Variants in MAP6 observed in about 807,000 individuals in gnomAD.
The protein encoded by MAP6 is microtubule associated protein 6.
Under a neutral mutation model 42.4 loss-of-function variants are expected in MAP6, and 26 were observed. That is an observed-to-expected ratio of 0.61 (90% CI 0.45 to 0.85). MAP6 has a LOEUF of 0.85. Among genes scored for constraint, MAP6 ranks in the 40% least tolerant of loss-of-function variants. The probability of loss-of-function intolerance (pLI) is 0.00; values close to 1 mark genes in which losing one functional copy is unlikely to be tolerated. For synonymous variants in MAP6, 418 were observed against 443.8 expected (o/e 0.94, Z 0.73); for missense variants, 966 against 1,099.0 (o/e 0.88, Z 1.71).
rs551013658 is a variant in MAP6 at position 75,644,124 on chromosome 11, C to A, written c.905+23341G>T. Among the ~76,000 whole-genome samples the A allele has an allele frequency of 1.2e-4, 18 of 152,196 alleles. No homozygotes were observed. The South Asian group carries it at 1.5e-3, about 12-fold the overall frequency. ...AGTGCTAAACATTGGTTCCAGGGCC[C>A]CTCTTCTCCAGTTTTCTACTGATGG... On this transcript the variant is annotated intron_variant, in intron 1 of 3. Transcript: ENST00000304771.
chr11:75,592,372 A>G (rs1565252356), intron 3 of MAP6, among the ~76,000 whole-genome samples: 3 of 152,226 alleles, frequency 2.0e-5, no homozygotes, highest in Admixed American at 6.5e-5. Flanking sequence ...AGTATCTGAA[A>G]CAAAGAAGGC....
chr11:75,608,268 C>T lies in MAP6; in HGVS notation c.960G>A (p.Lys320=), dbSNP rs370091101. 2.8e-5 allele frequency: 45 copies of T among 1,614,120 alleles called. No individual in the cohort carries two copies. Among genetic ancestry groups the T allele is most frequent in the Non-Finnish European group, 3.6e-5 (43 of 1,180,052 alleles). ...TATCATCTGGGGGCTTGTACTGGGG[C>T]TTGGCCTTTATTGGTTTCACAGGCT... is the stretch of plus-strand genomic sequence containing the variant. ...DIKPVKPIKA[K]PQYKPPDDKM... Residue 320 remains lysine, a synonymous_variant, in exon 2 of 4, where the codon AAG becomes AAA. Transcript: ENST00000304771.
chr11:75,589,397 G>C (rs755352862), intron 3 of MAP6, among the ~76,000 whole-genome samples: 1 of 152,222 alleles, frequency 6.6e-6, no homozygotes, highest in Non-Finnish European at 1.5e-5. Context: ...GTTGGAAGTC[G>C]AGAGAGTGGC....
chr11:75,630,715 C>T (rs573144440), intron 1 of MAP6, among the ~76,000 whole-genome samples: 1 of 152,322 alleles, frequency 6.6e-6, no homozygotes, highest in African/African-American at 2.4e-5. Context: ...AGCTTCCTAT[C>T]TGTATCTCCC....
At chr11:75,664,496 T>C (rs1178017839) in intron 1 of MAP6, among the ~76,000 whole-genome samples, 1 of 152,276 alleles carries the variant, frequency 6.6e-6, no homozygotes, top group Non-Finnish European at 1.5e-5. Flanking sequence ...ATTGATGTCA[T>C]GTGGCAGGTG....
At chr11:75,598,699 T>C (rs1302724764) in intron 3 of MAP6, among the ~76,000 whole-genome samples, 1 of 152,248 alleles carries the variant, frequency 6.6e-6, no homozygotes, top group East Asian at 1.9e-4. Context: ...TCATTTTTCA[T>C]TCAATGAGCA....
intron 1 of MAP6, among the ~76,000 whole-genome samples, chr11:75,634,407 G>A (rs1181502864): frequency 6.6e-6 from 1 of 152,208 alleles, no homozygotes; most frequent in East Asian, 1.9e-4. Context: ...CTTCTGAGTA[G>A]CTGGGACTGC....
intron 1 of MAP6, among the ~76,000 whole-genome samples, chr11:75,632,072 A>G (rs1266969427): frequency 6.6e-6 from 1 of 152,148 alleles, no homozygotes; most frequent in Admixed American, 6.5e-5. Context: ...ATTTCCTACT[A>G]TGGCTTTGGG....
At chr11:75,629,249 G>A (rs1943245729) in intron 1 of MAP6, among the ~76,000 whole-genome samples, 1 of 152,044 alleles carries the variant, frequency 6.6e-6, no homozygotes. Context: ...CACAATGCCT[G>A]GCTAATTTTT....
At chr11:75,605,370 T>C (rs1427695181) in intron 3 of MAP6, 1 of 988,096 alleles carries the variant, frequency 1.0e-6, no homozygotes, top group East Asian at 1.1e-4. Context: ...CTGTGGCACA[T>C]GACGATTCTC....
chr11:75,603,158 T>C, intron 3 of MAP6: 1 of 985,510 alleles, frequency 1.0e-6, no homozygotes, highest in Non-Finnish European at 1.2e-6. Flanking sequence ...GACAGATTGC[T>C]GAGGGAAGCC....
intron 1 of MAP6, among the ~76,000 whole-genome samples, chr11:75,612,712 T>C (rs1345410614): frequency 6.6e-6 from 1 of 152,112 alleles, no homozygotes; most frequent in East Asian, 1.9e-4. Context: ...ATGCTGAAAG[T>C]TTCTGAGCGA....
At chr11:75,659,055 T>A (rs1943798847) in intron 1 of MAP6, among the ~76,000 whole-genome samples, 1 of 152,194 alleles carries the variant, frequency 6.6e-6, no homozygotes, top group Non-Finnish European at 1.5e-5. Flanking sequence ...GTCCAGGACC[T>A]GACATAGTAG....
intron 3 of MAP6, among the ~76,000 whole-genome samples, chr11:75,599,712 C>A (rs923397420): frequency 6.6e-6 from 1 of 152,156 alleles, no homozygotes; most frequent in East Asian, 1.9e-4. Flanking sequence ...ATTGGGGGGT[C>A]CCACTTGTCT....
At chr11:75,647,616 AG>A (rs1407019561) in intron 1 of MAP6, among the ~76,000 whole-genome samples, 1 of 152,184 alleles carries the variant, frequency 6.6e-6, no homozygotes, top group East Asian at 1.9e-4. Flanking sequence ...GAAAACGTAT[AG>A]GAAAAATCCC....
At chr11:75,607,728 G>T in intron 2 of MAP6, 1 of 958,378 alleles carries the variant, frequency 1.0e-6, no homozygotes. Flanking sequence ...GGGGAGCCGG[G>T]CATGGGGGCC....
chr11:75,662,721 T>A (rs1943873999), intron 1 of MAP6, among the ~76,000 whole-genome samples: 1 of 152,194 alleles, frequency 6.6e-6, no homozygotes, highest in Non-Finnish European at 1.5e-5. Flanking sequence ...CACATTAGAA[T>A]CACTTGAAGT....
chr11:75,644,063 C>T (rs1943518649), intron 1 of MAP6, among the ~76,000 whole-genome samples: 1 of 152,156 alleles, frequency 6.6e-6, no homozygotes, highest in Non-Finnish European at 1.5e-5. Flanking sequence ...TTTCTCAAGG[C>T]TTGGGACAGG....
chr11:75,621,142 A>T (rs1943103189), intron 1 of MAP6, among the ~76,000 whole-genome samples: 1 of 151,912 alleles, frequency 6.6e-6, no homozygotes, highest in Non-Finnish European at 1.5e-5. Flanking sequence ...AAAAAAAAAA[A>T]AGAAAAAGCA....
Sources: allele counts gnomAD v4.1 joint callset (sites outside exome capture counted in the v4.1 genomes callset), GRCh38; gene constraint gnomAD v4.1.1; transcripts MANE v1.5; gene names NCBI Gene and HGNC (gene_info 2026-07-23, HGNC 2026-07-21).